TUB: variants seen among roughly 807,000 people sequenced by gnomAD.
TUB encodes TUB bipartite transcription factor.
TUB carries 33 observed loss-of-function variants against 59.7 expected under a neutral mutation model. That is an observed-to-expected ratio of 0.55 (90% CI 0.42 to 0.74). The LOEUF is 0.74. TUB is among the 30% of genes least tolerant of loss of function. TUB has a pLI of 0.00. For missense variants in TUB, 659 were observed against 672.0 expected (o/e 0.98, Z 0.21); for synonymous variants, 293 against 256.4 (o/e 1.14, Z -1.36).
chr11:8,081,641 CTCCCCACCTA>C, intron 1 of TUB, 93 bp downstream of exon 1: 1 of 1,344,278 alleles, frequency 7.4e-7, no homozygotes, highest in Non-Finnish European at 9.7e-7. Flanking sequence ...CACCGCTGCC[CTCCCCACCTA>C]TCCCAGCACT....
intron 7 of TUB, 39 bp downstream of exon 7, chr11:8,097,464 A>G (rs750327209): frequency 6.2e-7 from 1 of 1,613,032 alleles, no homozygotes. Context: ...TAGGCTTTAC[A>G]GCCCTTTGAA....
Position 8,097,813 on chromosome 11 carries a change from A to G in TUB, c.985A>G (p.Ile329Val), listed in dbSNP as rs1421120996. 1 of 1,613,550 alleles carries G rather than the reference A, an allele frequency of 6.2e-7. No individual in the cohort carries two copies. The highest frequency in any genetic ancestry group is 8.5e-7 in the Non-Finnish European group (1 of 1,179,766). ...TDLSRGGDSYIGKLRSNLMGT... is the reference protein window; with the variant it reads ...TDLSRGGDSYVGKLRSNLMGT... ...CTTGTCTCGAGGAGGGGACAGCTATATCGGGAAACTGCGGTACTAGCATTC... is the reference window on the plus strand; with the variant it reads ...CTTGTCTCGAGGAGGGGACAGCTATGTCGGGAAACTGCGGTACTAGCATTC... The change falls in exon 8 of 12, where the codon ATC becomes GTC. Residue 329 changes from isoleucine to valine, a missense_variant. Physicochemically the swap from Ile to Val is conservative, Grantham distance 29. Transcript: ENST00000299506.
At chr11:8,100,195 A>G (rs1310196634) in intron 9 of TUB, among the ~76,000 whole-genome samples, 2 of 152,224 alleles carry the variant, frequency 1.3e-5, no homozygotes, top group Non-Finnish European at 2.9e-5. Flanking sequence ...GAGCTGACAG[A>G]AACTGCTGAT....
At position 8,081,515 on chromosome 11, in the gene TUB, C is replaced by T. The variant is rs1943562464; in HGVS notation, c.5C>T (p.Thr2Ile). 2 of 1,552,638 alleles carry T rather than the reference C, an allele frequency of 1.3e-6. No individual in the cohort carries two copies. Among genetic ancestry groups the T allele is most frequent in the Admixed American group, 1.9e-5 (1 of 52,460 alleles). M[T>I]SKPHSDWIPY... ...ACCGCCCCGCCCCCGAGAGACATGA[C>T]TTCCAAGCCGCATTCCGACTGGATT... Residue 2 changes from threonine to isoleucine, a missense_variant, in exon 1 of 12, where the codon ACT (threonine) becomes ATT (isoleucine). Physicochemically the swap from Thr to Ile is moderately conservative, Grantham distance 89. Coordinates refer to ENST00000299506, the MANE Select transcript of TUB (RefSeq NM_177972.3).
chr11:8,092,652 C>T (rs1943815923), intron 3 of TUB, among the ~76,000 whole-genome samples: 1 of 152,132 alleles, frequency 6.6e-6, no homozygotes, highest in African/African-American at 2.4e-5. Context: ...GACATTTGAA[C>T]ATGTGACATT....
At chr11:8,040,216 C>G (rs1290874622) in intron 2 of TUB, among the ~76,000 whole-genome samples, 1 of 152,202 alleles carries the variant, frequency 6.6e-6, no homozygotes, top group Non-Finnish European at 1.5e-5. Context: ...GGCTCCTAAC[C>G]AGGACCTCAT....
upstream of TUB, among the ~76,000 whole-genome samples, chr11:8,079,954 T>C (rs1943514450): frequency 6.6e-6 from 1 of 152,172 alleles, no homozygotes; most frequent in Non-Finnish European, 1.5e-5. Flanking sequence ...ACGTAGCACC[T>C]AACACAGCTC....
At chr11:8,074,454 A>G (rs990007482) in intron 2 of TUB, among the ~76,000 whole-genome samples, 4 of 152,090 alleles carry the variant, frequency 2.6e-5, no homozygotes, top group African/African-American at 9.7e-5. Flanking sequence ...AATTCTCTAT[A>G]AGGCTGGGTG....
At chr11:8,049,247 C>T (rs1942888132) in intron 2 of TUB, among the ~76,000 whole-genome samples, 1 of 152,124 alleles carries the variant, frequency 6.6e-6, no homozygotes, top group Non-Finnish European at 1.5e-5. Context: ...GCAGGTTTTC[C>T]CAACCCCCAT....
At position 8,101,839 on chromosome 11, in the gene TUB, A is replaced by T; in HGVS notation, c.*220A>T. ...GCGGGTGGGTGGGTGTGAAGGGATG[A>T]GAATAATTCTTTCCATGCCACGAGA... On this transcript the variant is annotated 3_prime_UTR_variant, in exon 12 of 12. Transcript: ENST00000299506. 8.4e-6 allele frequency: 4 copies of T among 478,086 alleles called. No individual in the cohort carries two copies. The highest frequency in any genetic ancestry group is 7.7e-5 in the South Asian group (1 of 13,032). The allele number at this position is 478,086 out of a possible 1,614,324, so 29.6% of individuals were successfully genotyped here. A position where few individuals can be genotyped will look rare whatever the true frequency, so the allele number is the denominator to read the frequency against.
At chr11:8,024,329 T>C (rs1942471668) in intron 1 of TUB, among the ~76,000 whole-genome samples, 1 of 152,190 alleles carries the variant, frequency 6.6e-6, no homozygotes, top group Non-Finnish European at 1.5e-5. Context: ...ATGTCACCAC[T>C]TTCATGGTCT....
intron 11 of TUB, 101 bp downstream of exon 11, chr11:8,101,098 A>T (rs1276703294): frequency 1.4e-6 from 2 of 1,394,998 alleles, no homozygotes; most frequent in Non-Finnish European, 2.0e-6. Context: ...CTAGAGTTTA[A>T]GAATGTGAGC....
chr11:8,075,867 T>A (rs1943440463), intron 2 of TUB: 1 of 152,214 alleles, frequency 6.6e-6, no homozygotes, highest in Non-Finnish European at 1.5e-5. Context: ...GGAGAGGAGA[T>A]GGTTGGGAAA....
At chr11:8,040,182 C>T (rs2133731739) in intron 2 of TUB, among the ~76,000 whole-genome samples, 1 of 152,318 alleles carries the variant, frequency 6.6e-6, no homozygotes, top group Middle Eastern at 3.4e-3. Flanking sequence ...TGCTTTCTAA[C>T]ATCAGGAGGT....
upstream of TUB, chr11:8,038,566 G>A (rs1170552395): frequency 4.5e-6 from 5 of 1,105,330 alleles, no homozygotes; most frequent in Non-Finnish European, 1.1e-6. Flanking sequence ...GATGCAGAGA[G>A]ACTTGGCCTC....
chr11:8,052,666 G>T (rs1942951752), intron 2 of TUB, among the ~76,000 whole-genome samples: 1 of 152,004 alleles, frequency 6.6e-6, no homozygotes, highest in African/African-American at 2.4e-5. Flanking sequence ...TAGTAGAGAT[G>T]AGGTTTCACC....
At chr11:8,035,993 TA>T (rs1942640746), upstream of TUB, 1 of 152,226 alleles carries the variant, frequency 6.6e-6, no homozygotes, top group Non-Finnish European at 1.5e-5. Context: ...GGTCTGTCAG[TA>T]GGGGGGCACA....
At chr11:8,031,211 A>G (rs1942566199) in intron 1 of TUB, among the ~76,000 whole-genome samples, 1 of 152,090 alleles carries the variant, frequency 6.6e-6, no homozygotes, top group Admixed American at 6.5e-5. Flanking sequence ...GACTGTGTGA[A>G]CGGGGTGGGA....
intron 1 of TUB, 21 bp from the exon 2 acceptor site, chr11:8,089,589 A>G: frequency 6.2e-7 from 1 of 1,614,002 alleles, no homozygotes; most frequent in Non-Finnish European, 8.5e-7. Context: ...AAGCCCTGAA[A>G]ACCCCTCTTT....
Sources: gnomAD v4.1 joint callset for allele counts (sites outside exome capture counted in the v4.1 genomes callset) on GRCh38, gnomAD v4.1.1 for gene constraint, MANE v1.5 for transcripts, NCBI Gene and HGNC (gene_info 2026-07-23, HGNC 2026-07-21) for gene names.